The following COL24A1 variants were observed in gnomAD, a reference collection of about 807,000 sequenced individuals.
COL24A1 encodes the protein collagen type XXIV alpha 1 chain.
COL24A1 carries 224 observed loss-of-function variants against 253.9 expected under a neutral mutation model. That is an observed-to-expected ratio of 0.88 (90% CI 0.79 to 0.99). The LOEUF (loss-of-function observed/expected upper bound fraction) is 0.99. Among genes scored for constraint, COL24A1 ranks in the 50% least tolerant of loss-of-function variants. COL24A1 has a pLI of 0.00. For synonymous variants in COL24A1, 685 were observed against 673.7 expected, an observed-to-expected ratio of 1.02 and a Z score of -0.26; for missense variants, 2,131 against 2,068.5, an observed-to-expected ratio of 1.03 and a Z score of -0.59.
At chr1:85,854,280 GTGGCTT>G (rs1678158398) in intron 37 of COL24A1, among the ~76,000 whole-genome samples, 1 of 152,072 alleles carries the variant, frequency 6.6e-6, no homozygotes, top group Non-Finnish European at 1.5e-5. Context: ...CTGTAGTTGT[GTGGCTT>G]TATTTCTCGG....
At chr1:86,000,416 T>C (rs1479202150) in intron 19 of COL24A1, among the ~76,000 whole-genome samples, 1 of 152,176 alleles carries the variant, frequency 6.6e-6, no homozygotes, top group Non-Finnish European at 1.5e-5. Flanking sequence ...AACCTAATAC[T>C]TTTTTTATTG....
chr1:86,089,806 G>A (rs1470631027), intron 6 of COL24A1, among the ~76,000 whole-genome samples: 1 of 152,178 alleles, frequency 6.6e-6, no homozygotes, highest in African/African-American at 2.4e-5. Flanking sequence ...GGCAACAAGA[G>A]TGAAACTCTG....
chr1:85,909,902 T>G (rs921513861), intron 26 of COL24A1, 48 bp downstream of exon 26: 2 of 1,493,708 alleles, frequency 1.3e-6, no homozygotes, highest in African/African-American at 1.4e-5. Flanking sequence ...ACGACTTGCT[T>G]TTATTGCATT....
intron 47 of COL24A1, among the ~76,000 whole-genome samples, chr1:85,798,646 C>T (rs1347117941): frequency 6.6e-6 from 1 of 152,178 alleles, no homozygotes; most frequent in Non-Finnish European, 1.5e-5. Context: ...GGTCCTACTA[C>T]AAAGGTGCTG....
intron 6 of COL24A1, among the ~76,000 whole-genome samples, chr1:86,091,514 C>T (rs1266276324): frequency 1.3e-5 from 2 of 151,966 alleles, no homozygotes; most frequent in East Asian, 3.8e-4. Context: ...AAAAACACAT[C>T]CCATAATTAT....
intron 47 of COL24A1, among the ~76,000 whole-genome samples, chr1:85,798,586 C>T (rs914407864): frequency 6.6e-6 from 1 of 152,120 alleles, no homozygotes; most frequent in Admixed American, 6.5e-5. Flanking sequence ...GAACACACAG[C>T]CCAGATGGGT....
At chr1:85,995,681 G>A (rs1038346567) in intron 19 of COL24A1, among the ~76,000 whole-genome samples, 9 of 152,110 alleles carry the variant, frequency 5.9e-5, no homozygotes, top group African/African-American at 1.9e-4. Context: ...TTTGTTCATT[G>A]ATATGGTTTG....
At chr1:86,010,327 C>T (rs944160290) in intron 19 of COL24A1, among the ~76,000 whole-genome samples, 3 of 152,054 alleles carry the variant, frequency 2.0e-5, no homozygotes, top group Non-Finnish European at 4.4e-5. Context: ...AGGTAAAGGG[C>T]TAATTTCCCT....
At chr1:85,858,619 CCCTCCTTCCTTCCTTCCTTCCTT>C (rs1479292290) in intron 37 of COL24A1, among the ~76,000 whole-genome samples, 2 of 137,796 alleles carry the variant, frequency 1.5e-5, no homozygotes, top group Admixed American at 1.5e-4. Context: ...CTTATTTTCT[CCCTCCTTCCTTCCTTCCTTCCTT>C]CCTTCCTTCC....
chr1:85,804,359 A>G (rs1318914736), intron 47 of COL24A1, among the ~76,000 whole-genome samples: 2 of 152,224 alleles, frequency 1.3e-5, no homozygotes, highest in Admixed American at 1.3e-4. Flanking sequence ...CACAAGAGGA[A>G]CAACAAAAGA....
intron 53 of COL24A1, among the ~76,000 whole-genome samples, chr1:85,770,597 C>T (rs1376672080): frequency 6.6e-6 from 1 of 151,672 alleles, no homozygotes; most frequent in Non-Finnish European, 1.5e-5. Context: ...AATCAAATTA[C>T]TTGCTTATAA....
chr1:85,748,572 G>T (rs1665545005), intron 55 of COL24A1, among the ~76,000 whole-genome samples: 1 of 151,934 alleles, frequency 6.6e-6, no homozygotes, highest in East Asian at 2.0e-4. Context: ...ACAGCTCCCA[G>T]CGTGAGCCAC....
intron 39 of COL24A1, among the ~76,000 whole-genome samples, chr1:85,847,222 T>C (rs1319946606): frequency 1.3e-5 from 2 of 152,180 alleles, no homozygotes; most frequent in East Asian, 1.9e-4. Flanking sequence ...TTTATCACAA[T>C]TGGTTAGAAA....
At chr1:85,998,664 A>G (rs1166539494) in intron 19 of COL24A1, among the ~76,000 whole-genome samples, 1 of 152,128 alleles carries the variant, frequency 6.6e-6, no homozygotes, top group African/African-American at 2.4e-5. Context: ...AGATTTTTGC[A>G]TTGCTTCCTG....
At chr1:85,818,588 T>C (rs975238220) in intron 45 of COL24A1, among the ~76,000 whole-genome samples, 1 of 152,208 alleles carries the variant, frequency 6.6e-6, no homozygotes, top group South Asian at 2.1e-4. Context: ...AGCATACTTG[T>C]GATTCAAGGA....
At chr1:85,833,343 C>T (rs1675577180) in intron 43 of COL24A1, among the ~76,000 whole-genome samples, 1 of 152,272 alleles carries the variant, frequency 6.6e-6, no homozygotes, top group South Asian at 2.1e-4. Flanking sequence ...GACATTTATG[C>T]AGCCAAAAAA....
chr1:85,873,223 C>G (rs968215981), intron 35 of COL24A1, among the ~76,000 whole-genome samples: 1 of 152,172 alleles, frequency 6.6e-6, no homozygotes, highest in African/African-American at 2.4e-5. Context: ...AATAGGAACA[C>G]TTTTACACTG....
intron 39 of COL24A1, among the ~76,000 whole-genome samples, chr1:85,844,975 T>G (rs567349015): frequency 2.0e-4 from 31 of 151,968 alleles, no homozygotes; most frequent in Admixed American, 1.8e-3. Context: ...CACTTATGCC[T>G]AAATCCAATC....
At chr1:86,020,849 A>C (rs2101320320) in intron 18 of COL24A1, among the ~76,000 whole-genome samples, 1 of 152,294 alleles carries the variant, frequency 6.6e-6, no homozygotes, top group Non-Finnish European at 1.5e-5. Flanking sequence ...TCATGATCCA[A>C]TTTATGCACT....
Sources: allele counts gnomAD v4.1 joint callset (sites outside exome capture counted in the v4.1 genomes callset), GRCh38; gene constraint gnomAD v4.1.1; transcripts MANE v1.5; gene names NCBI Gene and HGNC (gene_info 2026-07-23, HGNC 2026-07-21).